CNGB3: variants seen among roughly 807,000 people sequenced by gnomAD.
The protein encoded by CNGB3 is cyclic nucleotide-gated channel beta-3.
A neutral mutation model predicts 92.8 loss-of-function variants in CNGB3; 86 were observed. The observed-to-expected ratio is 0.93, with a 90% CI of 0.78 to 1.11. CNGB3 has a LOEUF of 1.11. CNGB3 is among the 50% of genes least tolerant of loss of function. CNGB3 has a pLI of 0.00. For synonymous variants in CNGB3, 333 were observed against 332.7 expected, an observed-to-expected ratio of 1.00 and a Z score of -0.01; for missense variants, 1,026 against 956.8, an observed-to-expected ratio of 1.07 and a Z score of -0.95.
At chr8:86,593,610 G>A (rs1440497445) in intron 15 of CNGB3, 6 of 439,960 alleles carry the variant, frequency 1.4e-5, no homozygotes, top group South Asian at 1.1e-4. Flanking sequence ...GGCCATGAGA[G>A]GTGGTGGCTA....
rs114051412 is a variant in CNGB3 at position 86,634,510 on chromosome 8, T to C, written c.1179-1617A>G. On this transcript the variant is annotated intron_variant, in intron 10 of 17. Coordinates refer to ENST00000320005, the MANE Select transcript of CNGB3 (RefSeq NM_019098.5). ...TTCATAATTCTTGTGCACTTAGGCA[T>C]ACTATCTGGTAATTCTACATAGCTC... 3.2e-3 allele frequency among the ~76,000 whole-genome samples: 494 copies of C among 152,236 alleles called. 1 individual carries two copies. Among genetic ancestry groups the C allele is most frequent in the African/African-American group, 0.011 (462 of 41,556 alleles).
rs1402978719 is a variant in CNGB3 at position 86,659,431 on chromosome 8, G to C, written c.853-5369C>G. 4.5e-6 allele frequency: 3 copies of C among 669,504 alleles called. No individual in the cohort carries two copies. In the Admixed American group the frequency reaches 6.5e-5, roughly 15 times the overall value. The allele number at this position is 669,504 out of a possible 1,614,324, so 41.5% of individuals were successfully genotyped here. A position where few individuals can be genotyped will look rare whatever the true frequency, so the allele number is the denominator to read the frequency against. On this transcript the variant is annotated intron_variant, in intron 6 of 17. Transcript: ENST00000320005. ...GCTTCTTTTGCAGATCCTCCAAGTTGAGCTGGATTCCTGACTTCTCTGTCA... is the reference window on the plus strand; with the variant it reads ...GCTTCTTTTGCAGATCCTCCAAGTTCAGCTGGATTCCTGACTTCTCTGTCA...
rs531525529 is a variant in CNGB3 at position 86,675,694 on chromosome 8, A to G, written c.339-4596T>C. ...TGGGATTGCAGATGTCAGTCACAAA[A>G]GATGGCCTAAAATTTTATTTATATA... On this transcript the variant is annotated intron_variant, in intron 3 of 17. Coordinates refer to ENST00000320005, the MANE Select transcript of CNGB3 (RefSeq NM_019098.5). Among the ~76,000 whole-genome samples the G allele has an allele frequency of 1.3e-3, 199 of 152,348 alleles. 1 individual carries two copies. The highest frequency in any genetic ancestry group is 2.5e-3 in the Non-Finnish European group (173 of 68,026).
chr8:86,582,045 A>G (rs1011397371), intron 15 of CNGB3, among the ~76,000 whole-genome samples: 1 of 151,532 alleles, frequency 6.6e-6, no homozygotes, highest in South Asian at 2.1e-4. Flanking sequence ...AAGGGAAGAA[A>G]AAACAGTCCA....
intron 3 of CNGB3, among the ~76,000 whole-genome samples, chr8:86,705,953 C>T (rs1824644534): frequency 6.6e-6 from 1 of 152,174 alleles, no homozygotes; most frequent in South Asian, 2.1e-4. Flanking sequence ...ACCTGGATAA[C>T]TTTTCACCTG....
At chr8:86,673,260 G>T (rs1823897507) in intron 3 of CNGB3, among the ~76,000 whole-genome samples, 1 of 152,174 alleles carries the variant, frequency 6.6e-6, no homozygotes, top group African/African-American at 2.4e-5. Context: ...TGTCAAGGAG[G>T]GGCTTTGTAG....
At position 86,687,624 on chromosome 8, in the gene CNGB3, G is replaced by A. The variant is rs1015404572; in HGVS notation, c.339-16526C>T. Among the ~76,000 whole-genome samples the A allele has an allele frequency of 1.1e-4, 16 of 152,124 alleles. No homozygotes were observed. The South Asian group carries it at 1.2e-3, about 12-fold the overall frequency. ...GGAACTAGACAGAGGTGGCAGTTGC[G>A]CAACACTGAATGTACTAAATGCTAC... On this transcript the variant is annotated intron_variant, in intron 3 of 17. Coordinates refer to ENST00000320005, the MANE Select transcript of CNGB3 (RefSeq NM_019098.5).
At chr8:86,597,964 T>G (rs1822208051) in intron 15 of CNGB3, among the ~76,000 whole-genome samples, 1 of 151,346 alleles carries the variant, frequency 6.6e-6, no homozygotes, top group Admixed American at 6.6e-5. Flanking sequence ...GGCGACAGAG[T>G]GAGACTTCAT....
chr8:86,633,171 TC>T (rs1161671064), intron 10 of CNGB3, among the ~76,000 whole-genome samples: 1 of 152,154 alleles, frequency 6.6e-6, no homozygotes, highest in African/African-American at 2.4e-5. Flanking sequence ...GTTTTATGGG[TC>T]AGAATTTTGT....
At chr8:86,627,283 C>T (rs1182276953) in intron 12 of CNGB3, among the ~76,000 whole-genome samples, 2 of 152,124 alleles carry the variant, frequency 1.3e-5, no homozygotes, top group Non-Finnish European at 2.9e-5. Flanking sequence ...TATCTGCCTT[C>T]GCTAAGGGGT....
At chr8:86,613,006 T>C (rs1372914295) in intron 13 of CNGB3, among the ~76,000 whole-genome samples, 1 of 152,136 alleles carries the variant, frequency 6.6e-6, no homozygotes, top group Non-Finnish European at 1.5e-5. Context: ...CAAATATCCA[T>C]AAAACTTATA....
intron 3 of CNGB3, among the ~76,000 whole-genome samples, chr8:86,700,764 G>A (rs1361616049): frequency 6.6e-6 from 1 of 152,150 alleles, no homozygotes; most frequent in Admixed American, 6.5e-5. Flanking sequence ...TCAACCTTGT[G>A]AGTAGCTGGG....
intron 7 of CNGB3, among the ~76,000 whole-genome samples, chr8:86,651,270 G>A (rs1823398607): frequency 6.6e-6 from 1 of 151,674 alleles, no homozygotes; most frequent in African/African-American, 2.4e-5. Flanking sequence ...ATTCATCCAT[G>A]TAACCAAAAA....
At chr8:86,596,700 A>T (rs1470171) in intron 15 of CNGB3, among the ~76,000 whole-genome samples, 132,215 of 152,240 alleles carry the variant, frequency 0.87, 57,592 homozygotes, top group Non-Finnish European at 0.9. Context: ...TCATGCAAAC[A>T]ATAAAAATGG....
At chr8:86,617,175 A>T (rs999672616) in intron 13 of CNGB3, among the ~76,000 whole-genome samples, 2 of 152,184 alleles carry the variant, frequency 1.3e-5, no homozygotes, top group African/African-American at 2.4e-5. Context: ...TACCCAGGAA[A>T]TTCCACTTTT....
chr8:86,694,965 T>C (rs995286951), intron 3 of CNGB3, among the ~76,000 whole-genome samples: 3 of 152,136 alleles, frequency 2.0e-5, no homozygotes, highest in Admixed American at 6.5e-5. Flanking sequence ...GAGGTGGTTG[T>C]AGCGAGCCGA....
intron 11 of CNGB3, among the ~76,000 whole-genome samples, chr8:86,629,602 A>G (rs923786068): frequency 1.3e-5 from 2 of 152,210 alleles, no homozygotes; most frequent in African/African-American, 2.4e-5. Context: ...TATAGACTCA[A>G]TTCATCATGA....
chr8:86,709,952 C>T (rs1338450118), intron 3 of CNGB3, among the ~76,000 whole-genome samples: 3 of 152,136 alleles, frequency 2.0e-5, no homozygotes, highest in Non-Finnish European at 4.4e-5. Flanking sequence ...TGATTGCCTT[C>T]AACAGTATGT....
chr8:86,739,661 T>A lies in CNGB3; in HGVS notation c.205A>T (p.Ile69Leu). The change falls in exon 2 of 18, where the codon ATA (isoleucine) becomes TTA (leucine). Residue 69 changes from isoleucine to leucine, a missense_variant. Transcript: ENST00000320005. ...PVTSEEPHTN[I>L]QDKLSKKNSS... ...TTTCAGACTGCATTCTGACCTTGTATGTTGGTGTGTGGCTCTTCAGACGTG... is the reference window on the plus strand; with the variant it reads ...TTTCAGACTGCATTCTGACCTTGTAAGTTGGTGTGTGGCTCTTCAGACGTG... 6.2e-7 allele frequency: 1 copy of A among 1,611,260 alleles called. No individual in the cohort carries two copies. The highest frequency in any genetic ancestry group is 8.5e-7 in the Non-Finnish European group (1 of 1,179,552).
Sources: gnomAD v4.1 joint callset for allele counts (sites outside exome capture counted in the v4.1 genomes callset) on GRCh38, gnomAD v4.1.1 for gene constraint, MANE v1.5 for transcripts, NCBI Gene and HGNC (gene_info 2026-07-23, HGNC 2026-07-21) for gene names.